The following SDF4 variants were observed in gnomAD, a reference collection of about 807,000 sequenced individuals.
SDF4 encodes the protein 45 kDa calcium-binding protein.
A neutral mutation model predicts 34.2 loss-of-function variants in SDF4; 22 were observed. The observed-to-expected ratio is 0.64, with a 90% CI of 0.46 to 0.92. The LOEUF is 0.92. SDF4 is among the 40% of genes least tolerant of loss of function. The probability of loss-of-function intolerance (pLI) is 0.00; values close to 1 mark genes in which losing one functional copy is unlikely to be tolerated. For synonymous variants in SDF4, 236 were observed against 203.1 expected (o/e 1.16, Z -1.38); for missense variants, 447 against 499.9 (o/e 0.89, Z 1.01).
At chr1:1,221,523 CTTTA>C (rs1364193161) in intron 4 of SDF4, among the ~76,000 whole-genome samples, 1 of 152,076 alleles carries the variant, frequency 6.6e-6, no homozygotes, top group African/African-American at 2.4e-5. Context: ...TATCTTACAC[CTTTA>C]TTTTTCTGTC....
intron 1 of SDF4, among the ~76,000 whole-genome samples, chr1:1,231,255 C>T (rs1377597681): frequency 6.6e-6 from 1 of 152,222 alleles, no homozygotes. Flanking sequence ...TTCGACTTCG[C>T]CATCCCCTAG....
chr1:1,223,752 T>A, intron 3 of SDF4, 80 bp downstream of exon 3: 1 of 1,276,576 alleles, frequency 7.8e-7, no homozygotes, highest in Non-Finnish European at 1.1e-6. Context: ...AGGGCCTGTC[T>A]GCCCTCCAGG....
rs1046455018 is a variant in SDF4 at position 1,220,537 on chromosome 1, C to CG, written c.557-1611dup. The CG allele has an allele frequency of 9.2e-5, 114 of 1,234,938 alleles. 1 individual carries two copies. In the East Asian group the frequency reaches 3.9e-3, roughly 43 times the overall value. 76.5% of individuals were successfully genotyped at this position (1,234,938 alleles called of 1,614,324 possible). ...CCAGAAACCAAATACCCAAAGAGGT[C>CG]GGGGGGTCCTAGGCACCCTGAGGTC... is the stretch of plus-strand genomic sequence containing the variant. On this transcript the variant is annotated intron_variant, in intron 4 of 6. Transcript: ENST00000360001.
At chr1:1,224,884 G>C (rs1315349989) in intron 2 of SDF4, among the ~76,000 whole-genome samples, 1 of 152,236 alleles carries the variant, frequency 6.6e-6, no homozygotes, top group Non-Finnish European at 1.5e-5. Context: ...CTGCACTCCA[G>C]CCTGGGCGGC....
At chr1:1,219,274 G>A in intron 4 of SDF4, 2 of 1,174,750 alleles carry the variant, frequency 1.7e-6, no homozygotes, top group East Asian at 6.2e-5. Context: ...AGACCCCCAG[G>A]ACATGGCCTG....
intron 4 of SDF4, 151 bp from the exon 5 acceptor site, chr1:1,219,078 G>C (rs1426898104): frequency 6.4e-7 from 1 of 1,555,020 alleles, no homozygotes; most frequent in East Asian, 2.4e-5. Flanking sequence ...CCCAGAACAT[G>C]GCCCAGCCCC....
At chr1:1,223,419 G>T in intron 3 of SDF4, 62 bp from the exon 4 acceptor site, 2 of 1,202,486 alleles carry the variant, frequency 1.7e-6, no homozygotes, top group African/African-American at 1.5e-5. Context: ...CTTCTCAACT[G>T]AGATGGGGTC....
rs767418228 is a variant in SDF4, at chr1:1,218,433, G to A, written c.891+25C>T. 4.2e-5 allele frequency: 68 copies of A among 1,603,134 alleles called. No homozygotes were observed. The highest frequency in any genetic ancestry group is 1.7e-4 in the Middle Eastern group (1 of 6,046). ...CACAGCACCTCGCAGGGCCGGCTCC[G>A]GGACACGGCTGCGCCAGGGCTCACC... On this transcript the variant is annotated intron_variant, in intron 6 of 6. Coordinates refer to ENST00000360001, the MANE Select transcript of SDF4 (RefSeq NM_016176.6). This position sits in a 1 kb window ranked among gnomAD's most constrained non-coding sequence, Gnocchi z 7.9.
intron 4 of SDF4, chr1:1,220,511 G>A (rs1649879902): frequency 2.5e-6 from 3 of 1,206,056 alleles, no homozygotes; most frequent in Admixed American, 3.1e-5. Context: ...CTCTTCCTGA[G>A]CCAGAAACCA....
At chr1:1,227,111 G>A (rs1044846599) in intron 2 of SDF4, among the ~76,000 whole-genome samples, 11 of 152,158 alleles carry the variant, frequency 7.2e-5, no homozygotes, top group Non-Finnish European at 7.4e-5. Context: ...TGCTCCGCCC[G>A]AAAGCCTGGA....
In SDF4 at chr1:1,224,279, ACGTTT is replaced by A. The variant is rs1447308758; in HGVS notation, c.306-316_306-312del. On this transcript the variant is annotated intron_variant, in intron 2 of 6. Coordinates refer to ENST00000360001, the MANE Select transcript of SDF4 (RefSeq NM_016176.6). Reference sequence around the variant, plus strand: ...ACAGCTTCCAAAAGTCACACTCTTCACGTTTTATTTTATTTTTTGAGATGGAGTCT... The same window carrying A: ...ACAGCTTCCAAAAGTCACACTCTTCATATTTTATTTTTTGAGATGGAGTCT... Among the ~76,000 whole-genome samples the A allele has an allele frequency of 2.7e-5, 4 of 150,568 alleles. No individual in the cohort carries two copies. The East Asian group carries it at 8.1e-4, about 30-fold the overall frequency.
rs1307729990 is a variant in SDF4 at position 1,218,118 on chromosome 1, T to G, written c.891+340A>C. On this transcript the variant is annotated intron_variant, in intron 6 of 6. Coordinates refer to ENST00000360001, the MANE Select transcript of SDF4 (RefSeq NM_016176.6). The surrounding 1 kb of genome is among the most constrained non-coding windows in gnomAD (Gnocchi z 7.9). ...TGTGGCACAGGCCGCCCCGCCCACC[T>G]GCACCTGCTGGGCCTTGGACCTGCC... Among the ~76,000 whole-genome samples, 1 of 152,246 alleles carries G rather than the reference T, an allele frequency of 6.6e-6. No homozygotes were observed. The highest frequency in any genetic ancestry group is 2.1e-4 in the South Asian group (1 of 4,832).
At chr1:1,225,719 AC>A (rs1638283980) in intron 2 of SDF4, among the ~76,000 whole-genome samples, 1 of 135,692 alleles carries the variant, frequency 7.4e-6, no homozygotes, top group African/African-American at 2.9e-5. Flanking sequence ...CACGCTCCAC[AC>A]GCCACAGACA....
intron 2 of SDF4, among the ~76,000 whole-genome samples, chr1:1,225,724 ACAGACACGGGCCACACACTCCACATG>A (rs1638284387): frequency 8.4e-6 from 1 of 119,678 alleles, no homozygotes; most frequent in Non-Finnish European, 1.8e-5. Flanking sequence ...TCCACACGCC[ACAGACACGGGCCACACACTCCACATG>A]CCACAGACAC....
intron 1 of SDF4, 89 bp downstream of exon 1, chr1:1,231,803 G>A (rs1333926591): frequency 6.6e-6 from 1 of 152,224 alleles, no homozygotes; most frequent in African/African-American, 2.4e-5. Context: ...GGCGGGAGGC[G>A]GCGGCGGCCT....
intron 2 of SDF4, among the ~76,000 whole-genome samples, chr1:1,225,269 G>A (rs572680849): frequency 2.6e-5 from 4 of 152,324 alleles, no homozygotes; most frequent in South Asian, 2.1e-4. Flanking sequence ...TTGAGACCCC[G>A]GCTGGTGCGT....
intron 4 of SDF4, chr1:1,220,820 C>T (rs1649903022): frequency 8.5e-7 from 1 of 1,177,414 alleles, no homozygotes; most frequent in Admixed American, 2.3e-5. Context: ...CCTCCTGCCC[C>T]AAGCACATCG....
intron 4 of SDF4, among the ~76,000 whole-genome samples, chr1:1,222,114 G>C (rs192660627): frequency 6.6e-6 from 1 of 152,256 alleles, no homozygotes; most frequent in Non-Finnish European, 1.5e-5. Flanking sequence ...GCGCCCTGCA[G>C]GGCAGCAGAG....
chr1:1,221,904 T>G (rs934678980), intron 4 of SDF4, among the ~76,000 whole-genome samples: 7 of 152,074 alleles, frequency 4.6e-5, no homozygotes, highest in African/African-American at 1.7e-4. Flanking sequence ...GAGCCGAGAC[T>G]GCACCACTGC....
Sources: allele counts gnomAD v4.1 joint callset (sites outside exome capture counted in the v4.1 genomes callset), GRCh38; gene constraint gnomAD v4.1.1; non-coding constraint Gnocchi (gnomAD v3.1); transcripts MANE v1.5; gene names NCBI Gene and HGNC (gene_info 2026-07-23, HGNC 2026-07-21).